Variants in MACC1 observed in about 807,000 individuals in gnomAD.
MACC1 encodes the protein metastasis-associated in colon cancer protein 1.
A neutral mutation model predicts 70.7 loss-of-function variants in MACC1; 79 were observed. The observed-to-expected ratio is 1.12, with a 90% CI of 0.93 to 1.35. The LOEUF is 1.35. MACC1 is among the 40% of genes most tolerant of loss of function. The pLI is 0.00. For missense variants in MACC1, 1,106 were observed against 978.1 expected (o/e 1.13, Z -1.74); for synonymous variants, 361 against 347.2 (o/e 1.04, Z -0.44).
chr7:20,199,998 A>G (rs932616166), intron 1 of MACC1, among the ~76,000 whole-genome samples: 21 of 151,996 alleles, frequency 1.4e-4, no homozygotes, highest in African/African-American at 5.1e-4. Flanking sequence ...ATAGAGAATA[A>G]AGATAAACAA....
rs539114722 is a variant in MACC1 at position 20,214,760 on chromosome 7, CA to C, written c.-218+2538del. The stretch of plus-strand genomic sequence containing the variant: ...TATTTCTGAAGAATTGAAACTAAGT[CA>C]AAAAATATAACTTTCTCAATCTGTA... On this transcript the variant is annotated intron_variant, in intron 1 of 6. Coordinates refer to ENST00000400331, the MANE Select transcript of MACC1 (RefSeq NM_182762.4). 1.3e-3 allele frequency among the ~76,000 whole-genome samples: 200 copies of C among 152,226 alleles called. 1 individual carries two copies. The South Asian group carries it at 0.023, about 18-fold the overall frequency.
intron 1 of MACC1, among the ~76,000 whole-genome samples, chr7:20,179,516 T>C (rs181402591): frequency 6.6e-6 from 1 of 152,318 alleles, no homozygotes; most frequent in East Asian, 1.9e-4. Context: ...CTAAATGGTA[T>C]TGCTTCTGTC....
chr7:20,135,681 C>G lies in MACC1; in HGVS notation c.*5265G>C, dbSNP rs1781709845. On this transcript the variant is annotated 3_prime_UTR_variant, in exon 7 of 7. Coordinates refer to ENST00000400331, the MANE Select transcript of MACC1 (RefSeq NM_182762.4). Reference sequence around the variant, plus strand: ...TGCTGCTGCTGAAGTTGAAGAACCACTGCCGTAATGATTGCCTGGTCTAAG... The same window carrying G: ...TGCTGCTGCTGAAGTTGAAGAACCAGTGCCGTAATGATTGCCTGGTCTAAG... The G allele has an allele frequency of 6.6e-6, 1 of 152,258 alleles. No homozygotes were observed. The highest frequency in any genetic ancestry group is 6.5e-5 in the Admixed American group (1 of 15,278). 9.4% of individuals were successfully genotyped at this position (152,258 alleles called of 1,614,324 possible).
chr7:20,154,840 A>G (rs1277833888), intron 5 of MACC1, among the ~76,000 whole-genome samples: 2 of 152,070 alleles, frequency 1.3e-5, no homozygotes, highest in Non-Finnish European at 2.9e-5. Context: ...GGTGATGGTA[A>G]ATATTATTCT....
Position 20,160,045 on chromosome 7 carries a change from C to A in MACC1, c.316G>T (p.Glu106Ter). Reference protein sequence around the residue: ...LKEDPFLFCREIENGNSFDSS... With the variant: ...LKEDPFLFCR ...TCAAAAGAATTTCCATTTTCTATTT[C>A]TCTACAGAAAAGAAAAGGATCTTCC... The change falls in exon 5 of 7, where the codon GAA becomes TAA. Residue 106 changes from glutamate to a stop codon, truncating the protein, a stop_gained. Transcript: ENST00000400331. LOFTEE classifies it high-confidence loss of function. 1 of 1,610,512 alleles carries A rather than the reference C, an allele frequency of 6.2e-7. No individual in the cohort carries two copies. Among genetic ancestry groups the A allele is most frequent in the Non-Finnish European group, 8.5e-7 (1 of 1,178,942 alleles).
intron 1 of MACC1, among the ~76,000 whole-genome samples, chr7:20,199,307 C>T (rs142919697): frequency 6.6e-6 from 1 of 152,324 alleles, no homozygotes; most frequent in Non-Finnish European, 1.5e-5. Context: ...AAAGAGTTGG[C>T]AAGGTTTGAT....
intron 1 of MACC1, among the ~76,000 whole-genome samples, chr7:20,203,910 A>T (rs1300163836): frequency 6.6e-6 from 1 of 152,224 alleles, no homozygotes; most frequent in Non-Finnish European, 1.5e-5. Context: ...TAATGGAAAG[A>T]GCAGTACCTT....
At chr7:20,186,455 A>G (rs1204371449) in intron 1 of MACC1, among the ~76,000 whole-genome samples, 1 of 152,152 alleles carries the variant, frequency 6.6e-6, no homozygotes, top group Non-Finnish European at 1.5e-5. Flanking sequence ...TTGTCATAAT[A>G]GGGCACCATA....
At position 20,141,081 on chromosome 7, in the gene MACC1, TTGTAA is replaced by T; in HGVS notation, c.2419_2423del (p.Leu807ArgfsTer15). 3.1e-6 allele frequency: 5 copies of T among 1,613,810 alleles called. No homozygotes were observed. The highest frequency in any genetic ancestry group is 4.2e-6 in the Non-Finnish European group (5 of 1,179,838). Reference sequence around the variant, plus strand: ...TTCTGTCCAAAGCTGACTGAAGGTCTTGTAACACATCTCTGTAGTTATTTCCATAG... The same window carrying T: ...TTCTGTCCAAAGCTGACTGAAGGTCTCACATCTCTGTAGTTATTTCCATAG... On this transcript the variant is annotated frameshift_variant, in exon 7 of 7. Transcript: ENST00000400331. LOFTEE classifies it high-confidence loss of function.
At chr7:20,214,121 TGCACA>T (rs1783036049) in intron 1 of MACC1, among the ~76,000 whole-genome samples, 1 of 152,134 alleles carries the variant, frequency 6.6e-6, no homozygotes, top group African/African-American at 2.4e-5. Context: ...CCAATCCTCC[TGCACA>T]CTATGCCCAG....
chr7:20,186,752 C>G (rs934370249), intron 1 of MACC1, among the ~76,000 whole-genome samples: 3 of 151,948 alleles, frequency 2.0e-5, no homozygotes, highest in Non-Finnish European at 4.4e-5. Flanking sequence ...AGATGTTAAT[C>G]TCTACACAAT....
At chr7:20,183,795 G>A (rs867386505) in intron 1 of MACC1, among the ~76,000 whole-genome samples, 8 of 148,784 alleles carry the variant, frequency 5.4e-5, no homozygotes, top group South Asian at 4.2e-4. Context: ...TGCAGCCTCC[G>A]TTCCCGGGTT....
intron 1 of MACC1, among the ~76,000 whole-genome samples, chr7:20,187,780 C>T (rs1482234363): frequency 1.3e-5 from 2 of 152,130 alleles, no homozygotes; most frequent in African/African-American, 4.8e-5. Context: ...CATACATCTC[C>T]CTCTCCCTTC....
intron 1 of MACC1, among the ~76,000 whole-genome samples, chr7:20,205,633 C>G (rs1316061694): frequency 6.6e-6 from 1 of 152,178 alleles, no homozygotes; most frequent in Non-Finnish European, 1.5e-5. Flanking sequence ...CCATTCTTCC[C>G]TGTTTTCTGT....
In MACC1 at chr7:20,212,652, A is replaced by G. The variant is rs113642340; in HGVS notation, c.-218+4647T>C. Among the ~76,000 whole-genome samples the G allele has an allele frequency of 6.2e-3, 950 of 152,022 alleles. 17 individuals carry two copies. The highest frequency in any genetic ancestry group is 0.022 in the African/African-American group (915 of 41,450). Reference sequence around the variant, plus strand: ...CACTCCAGAATTCCAATCCCACATGATTAACAACATAGTTTCCCTTTTCTG... The same window carrying G: ...CACTCCAGAATTCCAATCCCACATGGTTAACAACATAGTTTCCCTTTTCTG... On this transcript the variant is annotated intron_variant, in intron 1 of 6. Transcript: ENST00000400331.
At chr7:20,170,967 T>A (rs1053752487) in intron 1 of MACC1, among the ~76,000 whole-genome samples, 189 bp from the exon 2 acceptor site, 1 of 152,216 alleles carries the variant, frequency 6.6e-6, no homozygotes, top group Non-Finnish European at 1.5e-5. Context: ...TTCTCAACAA[T>A]TGATTACATC....
rs1782025857 is a variant in MACC1 at position 20,154,367 on chromosome 7, C to G, written c.2172G>C (p.Met724Ile). The G allele has an allele frequency of 6.2e-7, 1 of 1,613,210 alleles. No individual in the cohort carries two copies. Among genetic ancestry groups the G allele is most frequent in the Non-Finnish European group, 8.5e-7 (1 of 1,179,472 alleles). The change falls in exon 6 of 7, where the codon ATG (methionine) becomes ATC (isoleucine). Residue 724 changes from methionine (M) to isoleucine (I), a missense_variant. Met to Ile is a conservative substitution (Grantham distance 10, BLOSUM62 1). Transcript: ENST00000400331. The stretch of plus-strand genomic sequence containing the variant: ...GACGTGCGACTAACTCTTGGCAATC[C>G]ATTTTCAGAAGAGCCTGCAGCAACA... ...LYELIVALLK[M>I]DCQELVARLI...
chr7:20,159,025 C>CT lies in MACC1; in HGVS notation c.1335dup (p.Val446SerfsTer11). 6.2e-7 allele frequency: 1 copy of CT among 1,613,914 alleles called. No homozygotes were observed. The highest frequency in any genetic ancestry group is 1.1e-5 in the South Asian group (1 of 91,064). Reference sequence around the variant, plus strand: ...TCTTTCCTTTCTCCTTCTGTCTTTACTTCAAAATCAGGATCACAGGAAAAA... The same window carrying CT: ...TCTTTCCTTTCTCCTTCTGTCTTTACTTTCAAAATCAGGATCACAGGAAAAA... On this transcript the variant is annotated frameshift_variant, in exon 5 of 7. Transcript: ENST00000400331. LOFTEE classifies it high-confidence loss of function.
intron 6 of MACC1, 112 bp from the exon 7 acceptor site, chr7:20,141,270 C>A: frequency 1.5e-6 from 1 of 646,642 alleles, no homozygotes; most frequent in Non-Finnish European, 2.5e-6. Flanking sequence ...AACGGAATAC[C>A]AATTACACAT....
Sources: allele counts gnomAD v4.1 joint callset (sites outside exome capture counted in the v4.1 genomes callset), GRCh38; gene constraint gnomAD v4.1.1; transcripts MANE v1.5; gene names NCBI Gene and HGNC (gene_info 2026-07-23, HGNC 2026-07-21).